SLCO1B3: variants seen among roughly 807,000 people sequenced by gnomAD.
The protein encoded by SLCO1B3 is liver-specific organic anion transporter 2.
In SLCO1B3, 72 loss-of-function variants were observed where a neutral mutation model predicts 71.8. The ratio of observed to expected loss-of-function variants is 1.00; its 90% CI spans 0.83 to 1.22. SLCO1B3 has a LOEUF of 1.22. Ranked by LOEUF, SLCO1B3 falls within the 50% of genes most tolerant of loss-of-function variation. The pLI is 0.00. For synonymous variants in SLCO1B3, 298 were observed against 278.4 expected, an observed-to-expected ratio of 1.07 and a Z score of -0.70; for missense variants, 911 against 819.7, an observed-to-expected ratio of 1.11 and a Z score of -1.36.
intron 2 of SLCO1B3, among the ~76,000 whole-genome samples, chr12:20,814,921 C>T (rs1235818990): frequency 2.0e-5 from 3 of 150,358 alleles, no homozygotes; most frequent in Admixed American, 6.6e-5. Flanking sequence ...AAAAAGCATA[C>T]CAGATTTCTG....
intron 6 of SLCO1B3, 48 bp from the exon 7 acceptor site, chr12:20,862,364 G>A: frequency 1.2e-5 from 19 of 1,525,858 alleles, no homozygotes; most frequent in Non-Finnish European, 1.7e-5. Context: ...TTTCTAATAG[G>A]AATGTTAAAA....
chr12:20,826,172 C>T (rs1864416646), intron 3 of SLCO1B3, among the ~76,000 whole-genome samples: 1 of 151,790 alleles, frequency 6.6e-6, no homozygotes, highest in Non-Finnish European at 1.5e-5. Flanking sequence ...CAATTAAAGC[C>T]AAGAGCACAG....
intron 13 of SLCO1B3, among the ~76,000 whole-genome samples, chr12:20,888,961 A>C (rs1865848085): frequency 6.6e-6 from 1 of 152,020 alleles, no homozygotes; most frequent in African/African-American, 2.4e-5. Context: ...ACGCTTTTTG[A>C]AAAAAGATTT....
intron 13 of SLCO1B3, among the ~76,000 whole-genome samples, chr12:20,896,470 C>A (rs916382758): frequency 4.6e-5 from 7 of 152,144 alleles, no homozygotes; most frequent in African/African-American, 1.7e-4. Context: ...GGGCAAAATA[C>A]TGCCAGTCTT....
intron 8 of SLCO1B3, among the ~76,000 whole-genome samples, chr12:20,865,197 G>A (rs1991849): frequency 0.72 from 110,058 of 151,928 alleles, 42,457 homozygotes; most frequent in South Asian, 0.9. Flanking sequence ...ATTTCTGACA[G>A]GTGATAAGTA....
chr12:20,876,107 A>G (rs1404234781), intron 9 of SLCO1B3, among the ~76,000 whole-genome samples: 2 of 151,254 alleles, frequency 1.3e-5, no homozygotes, highest in African/African-American at 4.8e-5. Context: ...ATATATATAC[A>G]TATATAATCT....
chr12:20,834,063 A>C lies in SLCO1B3; in HGVS notation c.84+18241A>C, dbSNP rs528817005. Among the ~76,000 whole-genome samples the C allele has an allele frequency of 1.5e-3, 160 of 109,420 alleles. 4 individuals carry two copies. The South Asian group carries it at 0.06, about 41-fold the overall frequency. 71.8% of individuals were successfully genotyped at this position (109,420 alleles called of 152,430 possible). On this transcript the variant is annotated intron_variant, in intron 3 of 15. Transcript: ENST00000381545. ...TATATATTATATGTGTGCATATATAAAAATATAAATATATATAAATATATA... is the reference window on the plus strand; with the variant it reads ...TATATATTATATGTGTGCATATATACAAATATAAATATATATAAATATATA...
chr12:20,814,624 T>C (rs894051271), intron 2 of SLCO1B3, among the ~76,000 whole-genome samples: 3 of 152,026 alleles, frequency 2.0e-5, no homozygotes, highest in East Asian at 1.9e-4. Flanking sequence ...GGCGCGGTGG[T>C]TCACGCCTGT....
chr12:20,842,107 G>T (rs893669153), intron 3 of SLCO1B3, among the ~76,000 whole-genome samples: 5 of 152,016 alleles, frequency 3.3e-5, no homozygotes, highest in Admixed American at 3.3e-4. Flanking sequence ...TATTGGTCAG[G>T]CTGGTCTTGA....
rs776787871 is a variant in SLCO1B3 at position 20,862,394 on chromosome 12, A to G, written c.482-18A>G. 4 of 1,585,524 alleles carry G rather than the reference A, an allele frequency of 2.5e-6. No homozygotes were observed. Among genetic ancestry groups the G allele is most frequent in the Non-Finnish European group, 3.4e-6 (4 of 1,170,646 alleles). ...TTAAAATTAATGTTTAAAGTAAAAC[A>G]CTCTCTTGTCTCGATAGATTGTGTA... is the stretch of plus-strand genomic sequence containing the variant. On this transcript the variant is annotated intron_variant, in intron 6 of 15. Transcript: ENST00000381545.
At chr12:20,869,197 T>G (rs61922162) in intron 8 of SLCO1B3, among the ~76,000 whole-genome samples, 24 of 17,056 alleles carry the variant, frequency 1.4e-3, no homozygotes, top group South Asian at 0.012. Flanking sequence ...TTGACACTTC[T>G]TGCTACCGCT....
chr12:20,897,585 A>T (rs1169891292), intron 13 of SLCO1B3, among the ~76,000 whole-genome samples: 1 of 152,210 alleles, frequency 6.6e-6, no homozygotes, highest in Non-Finnish European at 1.5e-5. Context: ...ATCTCTTAGT[A>T]GGTGCTTAGT....
chr12:20,829,765 T>TA (rs1275884890), intron 3 of SLCO1B3, among the ~76,000 whole-genome samples: 2 of 152,178 alleles, frequency 1.3e-5, no homozygotes, highest in African/African-American at 4.8e-5. Context: ...TACCCATTTT[T>TA]ATGGTTATTT....
At chr12:20,819,507 C>A (rs1437644156) in intron 3 of SLCO1B3, among the ~76,000 whole-genome samples, 3 of 152,040 alleles carry the variant, frequency 2.0e-5, no homozygotes, top group Non-Finnish European at 2.9e-5. Context: ...AGATCCAGAA[C>A]AGAATAATGG....
chr12:20,857,879 T>G (rs2121235733), intron 4 of SLCO1B3, among the ~76,000 whole-genome samples: 1 of 152,276 alleles, frequency 6.6e-6, no homozygotes, highest in South Asian at 2.1e-4. Context: ...TACTCAACAT[T>G]ACATCTCAAA....
At chr12:20,817,991 G>A (rs920407920) in intron 3 of SLCO1B3, among the ~76,000 whole-genome samples, 1 of 152,150 alleles carries the variant, frequency 6.6e-6, no homozygotes, top group Non-Finnish European at 1.5e-5. Context: ...GTAAACAAGA[G>A]CAGGGCATGT....
At chr12:20,829,919 T>C (rs1864504811) in intron 3 of SLCO1B3, among the ~76,000 whole-genome samples, 1 of 152,176 alleles carries the variant, frequency 6.6e-6, no homozygotes, top group Non-Finnish European at 1.5e-5. Context: ...CAGAAGTCAC[T>C]CTGTGGCCAT....
At chr12:20,879,832 C>T (rs1212538183) in intron 11 of SLCO1B3, among the ~76,000 whole-genome samples, 1 of 151,952 alleles carries the variant, frequency 6.6e-6, no homozygotes, top group Non-Finnish European at 1.5e-5. Flanking sequence ...AAAGCAACAT[C>T]GGTTGAAATA....
At chr12:20,833,119 G>A (rs1298412405) in intron 3 of SLCO1B3, among the ~76,000 whole-genome samples, 17 of 151,968 alleles carry the variant, frequency 1.1e-4, no homozygotes, top group African/African-American at 3.4e-4. Flanking sequence ...GCCCTTTTCC[G>A]TGTTCAAAGC....
Sources: allele counts gnomAD v4.1 joint callset (sites outside exome capture counted in the v4.1 genomes callset), GRCh38; gene constraint gnomAD v4.1.1; transcripts MANE v1.5; gene names NCBI Gene and HGNC (gene_info 2026-07-23, HGNC 2026-07-21).